CRTC3: variants seen among roughly 807,000 people sequenced by gnomAD.
CRTC3 encodes CREB-regulated transcription coactivator 3.
In CRTC3, 26 loss-of-function variants were observed where a neutral mutation model predicts 74.5. The ratio of observed to expected loss-of-function variants is 0.35; its 90% CI spans 0.26 to 0.48. CRTC3 has a LOEUF of 0.48. Ranked by LOEUF, CRTC3 falls within the 20% of genes least tolerant of loss-of-function variation. The pLI is 0.99. For synonymous variants in CRTC3, 377 were observed against 325.8 expected, an observed-to-expected ratio of 1.16 and a Z score of -1.69; for missense variants, 760 against 787.3, an observed-to-expected ratio of 0.97 and a Z score of 0.41.
chr15:90,550,609 A>C (rs1966853708), intron 2 of CRTC3, among the ~76,000 whole-genome samples: 1 of 152,114 alleles, frequency 6.6e-6, no homozygotes, highest in South Asian at 2.1e-4. Flanking sequence ...GCAGCCTTTT[A>C]GCAGCCTTTG....
At chr15:90,549,727 A>G (rs1424467321) in intron 2 of CRTC3, among the ~76,000 whole-genome samples, 2 of 134,774 alleles carry the variant, frequency 1.5e-5, no homozygotes, top group Non-Finnish European at 3.1e-5. Context: ...TTTTTGAGAC[A>G]GGTCTTTCTC....
chr15:90,580,955 T>C (rs1315417143), intron 2 of CRTC3, among the ~76,000 whole-genome samples: 1 of 152,218 alleles, frequency 6.6e-6, no homozygotes, highest in African/African-American at 2.4e-5. Context: ...TAAACCATGA[T>C]GAATTTTTAG....
At chr15:90,603,578 A>G (rs138602726) in intron 4 of CRTC3, among the ~76,000 whole-genome samples, 24 of 152,368 alleles carry the variant, frequency 1.6e-4, no homozygotes, top group Non-Finnish European at 3.2e-4. Flanking sequence ...TTTGTACCCA[A>G]TACAGAGGGT....
intron 2 of CRTC3, among the ~76,000 whole-genome samples, chr15:90,552,913 C>G (rs979554863): frequency 6.6e-6 from 1 of 152,088 alleles, no homozygotes; most frequent in Non-Finnish European, 1.5e-5. Flanking sequence ...GAATTTTGTT[C>G]CCAAGGTTAT....
chr15:90,625,297 A>T (rs2151090839), intron 9 of CRTC3, among the ~76,000 whole-genome samples: 1 of 152,354 alleles, frequency 6.6e-6, no homozygotes, highest in Non-Finnish European at 1.5e-5. Context: ...TAGCCCATAG[A>T]TTGTGATGAA....
Position 90,604,418 on chromosome 15 carries a change from T to C in CRTC3, c.447T>C (p.Pro149=). Residue 149 remains proline, a synonymous_variant, in exon 5 of 15, where the codon CCT becomes CCC. Coordinates refer to ENST00000268184, the MANE Select transcript of CRTC3 (RefSeq NM_022769.5). Reference sequence around the variant, plus strand: ...CTCCTTGGAAAGACGAAAAGCATCCTGGGTTCAGGCTGACATCTGCACTTA... The same window carrying C: ...CTCCTTGGAAAGACGAAAAGCATCCCGGGTTCAGGCTGACATCTGCACTTA... ...QQPPWKDEKH[P]GFRLTSALNR... The C allele has an allele frequency of 6.2e-7, 1 of 1,614,114 alleles. No individual in the cohort carries two copies. Among genetic ancestry groups the C allele is most frequent in the Non-Finnish European group, 8.5e-7 (1 of 1,179,938 alleles).
intron 2 of CRTC3, among the ~76,000 whole-genome samples, chr15:90,543,772 A>T (rs1248083405): frequency 6.6e-6 from 1 of 152,166 alleles, no homozygotes; most frequent in East Asian, 1.9e-4. Context: ...TTTTTTAGGT[A>T]TACAGCTCTT....
At chr15:90,626,044 C>A in intron 10 of CRTC3, 51 bp downstream of exon 10, 5 of 1,386,278 alleles carry the variant, frequency 3.6e-6, no homozygotes, top group Non-Finnish European at 4.1e-6. Flanking sequence ...ATAGGTGGTC[C>A]CCACCCATGT....
intron 11 of CRTC3, 89 bp downstream of exon 11, chr15:90,629,621 C>T: frequency 7.3e-7 from 1 of 1,370,046 alleles, no homozygotes; most frequent in Admixed American, 1.9e-5. Flanking sequence ...TTTTGGGTTA[C>T]ACTCATTATT....
chr15:90,587,181 G>C (rs1190172074), intron 2 of CRTC3, among the ~76,000 whole-genome samples: 2 of 152,160 alleles, frequency 1.3e-5, no homozygotes, highest in Non-Finnish European at 2.9e-5. Context: ...TTCATCCCAG[G>C]CTGCAGCTTT....
In CRTC3 at chr15:90,645,172, T is replaced by G. The variant is rs1016494680; in HGVS notation, c.*3032T>G. On this transcript the variant is annotated 3_prime_UTR_variant, in exon 15 of 15. Coordinates refer to ENST00000268184, the MANE Select transcript of CRTC3 (RefSeq NM_022769.5). ...TTCCCAGCATGTGTCCAGTGCTTCA[T>G]GGATGGGACCATCCCAGCAACTAAT... The G allele has an allele frequency of 4.3e-6, 1 of 229,890 alleles. No homozygotes were observed. The highest frequency in any genetic ancestry group is 8.6e-6 in the Non-Finnish European group (1 of 115,860). The allele number at this position is 229,890 out of a possible 1,614,324, so 14.2% of individuals were successfully genotyped here. A position where few individuals can be genotyped will look rare whatever the true frequency, so the allele number is the denominator to read the frequency against.
chr15:90,600,627 CTA>C (rs1968044200), intron 3 of CRTC3: 1 of 152,100 alleles, frequency 6.6e-6, no homozygotes, highest in Non-Finnish European at 1.5e-5. Context: ...GTTTCTTCAG[CTA>C]TAAAATGGGG....
chr15:90,615,435 A>AG lies in CRTC3; in HGVS notation c.613+953dup, dbSNP rs575259303. Among the ~76,000 whole-genome samples the AG allele has an allele frequency of 2.5e-3, 388 of 152,338 alleles. 2 individuals are homozygous for AG. The highest frequency in any genetic ancestry group is 9.0e-3 in the African/African-American group (374 of 41,582). On this transcript the variant is annotated intron_variant, in intron 7 of 14. Transcript: ENST00000268184. ...TTATATGTCACAGAGGTGAGACCCT[A>AG]GGGGGGACATGATGAATGAGGAGCA...
intron 2 of CRTC3, among the ~76,000 whole-genome samples, chr15:90,565,067 C>T (rs779063146): frequency 5.3e-4 from 80 of 152,278 alleles, no homozygotes; most frequent in African/African-American, 7.7e-4. Context: ...CACAGCCTCC[C>T]GAGTAGGTGG....
At chr15:90,577,680 G>A (rs1967438855) in intron 2 of CRTC3, among the ~76,000 whole-genome samples, 1 of 152,140 alleles carries the variant, frequency 6.6e-6, no homozygotes, top group African/African-American at 2.4e-5. Flanking sequence ...TATACACAAT[G>A]GAATATCATC....
chr15:90,544,687 T>G (rs1050387161), intron 2 of CRTC3, among the ~76,000 whole-genome samples: 1 of 152,208 alleles, frequency 6.6e-6, no homozygotes, highest in Non-Finnish European at 1.5e-5. Context: ...AACTTTAGCT[T>G]TATAAGAAAT....
At chr15:90,617,488 G>C (rs1303309628) in intron 7 of CRTC3, among the ~76,000 whole-genome samples, 1 of 152,152 alleles carries the variant, frequency 6.6e-6, no homozygotes, top group Non-Finnish European at 1.5e-5. Context: ...AAGATAATTT[G>C]TTCAGCCAAA....
intron 6 of CRTC3, among the ~76,000 whole-genome samples, chr15:90,610,502 T>C (rs1968331787): frequency 6.6e-6 from 1 of 152,248 alleles, no homozygotes; most frequent in Admixed American, 6.5e-5. Flanking sequence ...CTGATACATG[T>C]TGAGTAATTT....
At chr15:90,570,542 A>G (rs773721582) in intron 2 of CRTC3, among the ~76,000 whole-genome samples, 18 of 152,138 alleles carry the variant, frequency 1.2e-4, no homozygotes, top group Admixed American at 3.3e-4. Context: ...ACACTCCTTT[A>G]TAATGATTTT....
Sources: gnomAD v4.1 joint callset for allele counts (sites outside exome capture counted in the v4.1 genomes callset) on GRCh38, gnomAD v4.1.1 for gene constraint, MANE v1.5 for transcripts, NCBI Gene and HGNC (gene_info 2026-07-23, HGNC 2026-07-21) for gene names.